EPHA3: variants seen among roughly 807,000 people sequenced by gnomAD.
EPHA3 encodes ephrin type-A receptor 3.
A neutral mutation model predicts 107.1 loss-of-function variants in EPHA3; 42 were observed. That is an observed-to-expected ratio of 0.39 (90% CI 0.31 to 0.51). The LOEUF (loss-of-function observed/expected upper bound fraction) is 0.51, where lower values mean the gene tolerates loss of function less well. Among genes scored for constraint, EPHA3 ranks in the 20% least tolerant of loss-of-function variants. The pLI, the probability that EPHA3 is intolerant of heterozygous loss-of-function variation, is 0.78. For missense variants in EPHA3, 1,183 were observed against 1,211.2 expected (o/e 0.98, Z 0.35); for synonymous variants, 461 against 424.8 (o/e 1.09, Z -1.05).
chr3:89,370,653 A>G (rs542702214), intron 5 of EPHA3, among the ~76,000 whole-genome samples: 1 of 152,042 alleles, frequency 6.6e-6, no homozygotes, highest in South Asian at 2.1e-4. Flanking sequence ...AACTTAAAGT[A>G]TAATAATAAT....
chr3:89,245,584 T>C (rs1016298920), intron 3 of EPHA3, among the ~76,000 whole-genome samples: 16 of 152,230 alleles, frequency 1.1e-4, no homozygotes, highest in Admixed American at 4.6e-4. Context: ...TCTGGTGAGA[T>C]AGAGCAAATA....
intron 3 of EPHA3, among the ~76,000 whole-genome samples, chr3:89,233,284 G>T (rs1003319737): frequency 1.3e-5 from 2 of 152,034 alleles, no homozygotes; most frequent in Non-Finnish European, 2.9e-5. Flanking sequence ...CTATTTTTTA[G>T]TGTGGAATAG....
At chr3:89,220,715 T>C (rs995259734) in intron 3 of EPHA3, among the ~76,000 whole-genome samples, 10 of 152,200 alleles carry the variant, frequency 6.6e-5, no homozygotes, top group African/African-American at 2.4e-4. Context: ...CTCCCTTTTT[T>C]CTGTAATGTG....
chr3:89,455,734 T>G (rs1207646548), intron 15 of EPHA3, among the ~76,000 whole-genome samples: 1 of 152,232 alleles, frequency 6.6e-6, no homozygotes, highest in Admixed American at 6.5e-5. Flanking sequence ...GCTGTTTGCC[T>G]TGTCTCAGAT....
chr3:89,275,129 A>G (rs1228430213), intron 3 of EPHA3, among the ~76,000 whole-genome samples: 1 of 152,008 alleles, frequency 6.6e-6, no homozygotes, highest in Non-Finnish European at 1.5e-5. Flanking sequence ...GTGATTCCAA[A>G]GTCCATAATT....
chr3:89,324,850 C>T (rs1473684492), intron 3 of EPHA3, among the ~76,000 whole-genome samples: 1 of 152,092 alleles, frequency 6.6e-6, no homozygotes, highest in Non-Finnish European at 1.5e-5. Flanking sequence ...CCCTTACCCA[C>T]CTCCCTCTTT....
intron 16 of EPHA3, among the ~76,000 whole-genome samples, chr3:89,476,019 A>G (rs1710497466): frequency 6.6e-6 from 1 of 151,648 alleles, no homozygotes; most frequent in Non-Finnish European, 1.5e-5. Context: ...CCAAATGGAT[A>G]ATTACTTTAA....
intron 5 of EPHA3, among the ~76,000 whole-genome samples, chr3:89,379,567 T>A (rs1220352824): frequency 6.6e-6 from 1 of 151,894 alleles, no homozygotes; most frequent in Non-Finnish European, 1.5e-5. Context: ...GTTATAATTG[T>A]CAAGTGCATT....
In EPHA3 at chr3:89,450,350, C is replaced by T. The variant is rs1465912506; in HGVS notation, c.2670C>T (p.Ile890=). 6.2e-7 allele frequency: 1 copy of T among 1,613,470 alleles called. No homozygotes were observed. The highest frequency in any genetic ancestry group is 1.3e-5 in the African/African-American group (1 of 75,030). ...TCCGGAATCCCGGCAGCCTGAAGAT[C>T]ATCACCAGTGCAGCCGCAAGGTGAC... The part of the protein sequence containing the change: ...KLIRNPGSLK[I]ITSAAARPSN... The change falls in exon 15 of 17, where the codon ATC becomes ATT. Residue 890 remains isoleucine (I), a synonymous_variant. Coordinates refer to ENST00000336596, the MANE Select transcript of EPHA3 (RefSeq NM_005233.6).
At chr3:89,419,450 C>G (rs569781486) in intron 11 of EPHA3, 60 bp downstream of exon 11, 4 of 1,411,030 alleles carry the variant, frequency 2.8e-6, no homozygotes, top group Non-Finnish European at 3.8e-6. Flanking sequence ...TGTTTAAACC[C>G]AACCCCAACC....
chr3:89,433,116 G>T (rs974770879), intron 13 of EPHA3, among the ~76,000 whole-genome samples: 1 of 152,010 alleles, frequency 6.6e-6, no homozygotes, highest in Non-Finnish European at 1.5e-5. Context: ...GGATCAAAAC[G>T]TATACAAGTA....
At chr3:89,319,699 C>CA (rs1186739905) in intron 3 of EPHA3, among the ~76,000 whole-genome samples, 2 of 151,788 alleles carry the variant, frequency 1.3e-5, no homozygotes. Flanking sequence ...ATCGTTTGTG[C>CA]AAAAACTGGG....
chr3:89,146,632 A>G (rs1704564990), intron 2 of EPHA3, among the ~76,000 whole-genome samples: 1 of 152,012 alleles, frequency 6.6e-6, no homozygotes, highest in African/African-American at 2.4e-5. Context: ...GCTGTACAGA[A>G]GCTCTTTAGT....
intron 3 of EPHA3, among the ~76,000 whole-genome samples, chr3:89,272,857 G>C (rs1272723913): frequency 6.6e-6 from 1 of 151,858 alleles, no homozygotes; most frequent in Non-Finnish European, 1.5e-5. Flanking sequence ...TAAAGTAAAC[G>C]TAAATCTGGG....
At chr3:89,198,489 A>G (rs575787237) in intron 2 of EPHA3, among the ~76,000 whole-genome samples, 1 of 151,850 alleles carries the variant, frequency 6.6e-6, no homozygotes, top group Non-Finnish European at 1.5e-5. Flanking sequence ...TAGGCTCCTC[A>G]GGATACTCAA....
chr3:89,314,840 A>G (rs1172036445), intron 3 of EPHA3, among the ~76,000 whole-genome samples: 1 of 151,990 alleles, frequency 6.6e-6, no homozygotes, highest in Admixed American at 6.6e-5. Context: ...TTACTTAACA[A>G]CGGGAGTACA....
chr3:89,375,220 T>G (rs1399528444), intron 5 of EPHA3, among the ~76,000 whole-genome samples: 1 of 151,794 alleles, frequency 6.6e-6, no homozygotes, highest in Non-Finnish European at 1.5e-5. Flanking sequence ...TAAAGTGTCT[T>G]GAAAACCCAA....
At chr3:89,319,308 AT>A (rs1162958686) in intron 3 of EPHA3, among the ~76,000 whole-genome samples, 1 of 151,874 alleles carries the variant, frequency 6.6e-6, no homozygotes, top group African/African-American at 2.4e-5. Flanking sequence ...GTGCACACCA[AT>A]GCCCCACACA....
chr3:89,132,334 G>A lies in EPHA3; in HGVS notation c.153+5061G>A, dbSNP rs192739069. On this transcript the variant is annotated intron_variant, in intron 2 of 16. Transcript: ENST00000336596. ...GTGTTTTTCATGCTTTCAAATAAAA[G>A]GCATCCTTACAGGATAGAATGTTTT... Among the ~76,000 whole-genome samples the A allele has an allele frequency of 1.9e-3, 289 of 152,266 alleles. 3 individuals are homozygous for A. Among genetic ancestry groups the A allele is most frequent in the South Asian group, 0.017 (81 of 4,820 alleles).
Sources: allele counts gnomAD v4.1 joint callset (sites outside exome capture counted in the v4.1 genomes callset), GRCh38; gene constraint gnomAD v4.1.1; transcripts MANE v1.5; gene names NCBI Gene and HGNC (gene_info 2026-07-23, HGNC 2026-07-21).